The following CECR2 variants were observed in gnomAD, a reference collection of about 807,000 sequenced individuals.
The protein encoded by CECR2 is CECR2 histone acetyl-lysine reader, also known as chromatin remodeling regulator CECR2.
CECR2 carries 30 observed loss-of-function variants against 154.5 expected under a neutral mutation model. That is an observed-to-expected ratio of 0.19 (90% confidence interval 0.15 to 0.26). CECR2 has a LOEUF of 0.26. Among genes scored for constraint, CECR2 ranks in the 10% least tolerant of loss-of-function variants. The pLI is 1.00. For missense variants in CECR2, 1,743 were observed against 1,829.3 expected (o/e 0.95, Z 0.86); for synonymous variants, 725 against 683.7 (o/e 1.06, Z -0.94).
chr22:17,545,390 A>AAG (rs1569156189), intron 16 of CECR2, among the ~76,000 whole-genome samples: 3 of 149,732 alleles, frequency 2.0e-5, no homozygotes, highest in African/African-American at 7.6e-5. Context: ...AAAAAAAAAA[A>AAG]AAAAAAAGAA....
intron 9 of CECR2, among the ~76,000 whole-genome samples, chr22:17,526,543 A>T (rs762752263): frequency 6.6e-6 from 1 of 152,098 alleles, no homozygotes; most frequent in South Asian, 2.1e-4. Context: ...GGGCGTGACG[A>T]CTTATGCCTG....
intron 16 of CECR2, among the ~76,000 whole-genome samples, chr22:17,543,252 CCT>C (rs753690579): frequency 8.1e-4 from 123 of 152,100 alleles, no homozygotes; most frequent in Non-Finnish European, 1.6e-3. Flanking sequence ...TCGGCCTCAG[CCT>C]CCCGAGTGTC....
rs71200271 is a variant in CECR2, at chr22:17,394,197, C to CTTTTTTTTTTTTTTTTTTTTTT, written c.126+24293_126+24314dup. Among the ~76,000 whole-genome samples, 17 of 97,088 alleles carry CTTTTTTTTTTTTTTTTTTTTTT rather than the reference C, an allele frequency of 1.8e-4. 8 individuals carry two copies. The highest frequency in any genetic ancestry group is 3.4e-4 in the African/African-American group (8 of 23,876). 63.7% of individuals were successfully genotyped at this position (97,088 alleles called of 152,430 possible). A position where few individuals can be genotyped will look rare whatever the true frequency, so the allele number is the denominator to read the frequency against. On this transcript the variant is annotated intron_variant, in intron 1 of 18. Coordinates refer to ENST00000262608, the MANE Select transcript of CECR2 (RefSeq NM_001290047.2). Reference sequence around the variant, plus strand: ...CCACCGCGCCCAGCTGCTGCCGCTGCTTTTTTTTTTTTTTTTTTTTTTTTT... The same window carrying CTTTTTTTTTTTTTTTTTTTTTT: ...CCACCGCGCCCAGCTGCTGCCGCTGCTTTTTTTTTTTTTTTTTTTTTTTTTTTTTTTTTTTTTTTTTTTTTTT...
chr22:17,397,555 T>C (rs1249873785), intron 1 of CECR2, among the ~76,000 whole-genome samples: 1 of 152,156 alleles, frequency 6.6e-6, no homozygotes, highest in African/African-American at 2.4e-5. Flanking sequence ...CAGACTGCAG[T>C]GGCGCTATCT....
chr22:17,542,583 A>G lies in CECR2; in HGVS notation c.2440A>G (p.Met814Val). The G allele has an allele frequency of 6.2e-7, 1 of 1,613,970 alleles. No homozygotes were observed. Among genetic ancestry groups the G allele is most frequent in the Non-Finnish European group, 8.5e-7 (1 of 1,179,868 alleles). ...CGGTCACGTGATGGATTCCCGAGTC[A>G]TGAGACCACCTGTCCCCCCCAACCA... is the stretch of plus-strand genomic sequence containing the variant. ...TLGHVMDSRV[M>V]RPPVPPNQWT... The change falls in exon 16 of 19, where the codon ATG becomes GTG. Residue 814 changes from methionine (M) to valine (V), a missense_variant. By Grantham distance (21) the Met-to-Val change is conservative (BLOSUM62 1). Coordinates refer to ENST00000262608, the MANE Select transcript of CECR2 (RefSeq NM_001290047.2).
At chr22:17,527,635 C>T (rs947020061) in intron 9 of CECR2, among the ~76,000 whole-genome samples, 4 of 151,968 alleles carry the variant, frequency 2.6e-5, no homozygotes, top group Non-Finnish European at 5.9e-5. Context: ...GGCATGGTGG[C>T]ACACGCCTGT....
chr22:17,549,023 C>T lies in CECR2; in HGVS notation c.3736C>T (p.Leu1246=), dbSNP rs2146143117. 6.2e-7 allele frequency: 1 copy of T among 1,614,020 alleles called. No individual in the cohort carries two copies. Among genetic ancestry groups the T allele is most frequent in the Non-Finnish European group, 8.5e-7 (1 of 1,179,896 alleles). Residue 1246 remains leucine, a synonymous_variant, in exon 17 of 19, where the codon CTG becomes TTG. Transcript: ENST00000262608. The part of the protein sequence containing the change: ...LFSDKNAMAS[L]QGCETLNAAL... ...CTCAGATAAGAATGCCATGGCCAGT[C>T]TGCAAGGCTGTGAGACACTGAATGC...
intron 2 of CECR2, among the ~76,000 whole-genome samples, chr22:17,478,089 T>TA (rs367704128): frequency 0.03 from 4,460 of 148,128 alleles, 99 homozygotes; most frequent in Non-Finnish European, 0.043. Context: ...ACTGATGTAA[T>TA]AAAAAAAAAA....
At chr22:17,459,324 C>G (rs577356067) in intron 1 of CECR2, among the ~76,000 whole-genome samples, 1 of 152,218 alleles carries the variant, frequency 6.6e-6, no homozygotes, top group Non-Finnish European at 1.5e-5. Flanking sequence ...TGCATCCCAG[C>G]CCTGTGTCCC....
At chr22:17,550,633 C>A (rs1004220182) in intron 17 of CECR2, among the ~76,000 whole-genome samples, 1 of 152,102 alleles carries the variant, frequency 6.6e-6, no homozygotes, top group Non-Finnish European at 1.5e-5. Context: ...GTTTTCAAAT[C>A]GATAGATACA....
intron 1 of CECR2, among the ~76,000 whole-genome samples, chr22:17,373,042 T>C (rs1259149883): frequency 6.6e-6 from 1 of 152,206 alleles, no homozygotes; most frequent in Non-Finnish European, 1.5e-5. Flanking sequence ...GTGGATATTT[T>C]TATTTTTGTG....
chr22:17,425,192 A>T (rs2054312321), intron 1 of CECR2, among the ~76,000 whole-genome samples: 4 of 151,818 alleles, frequency 2.6e-5, no homozygotes, highest in African/African-American at 9.7e-5. Context: ...TTAGCGTCCA[A>T]GTGTAGTGTG....
intron 9 of CECR2, among the ~76,000 whole-genome samples, chr22:17,526,284 G>C (rs2056263344): frequency 6.6e-6 from 1 of 152,130 alleles, no homozygotes; most frequent in African/African-American, 2.4e-5. Context: ...AAACAATATG[G>C]GGATCTGGCA....
chr22:17,378,584 C>T (rs1290987875), intron 1 of CECR2, among the ~76,000 whole-genome samples: 3 of 152,174 alleles, frequency 2.0e-5, no homozygotes, highest in Non-Finnish European at 1.5e-5. Flanking sequence ...GCCCACCTGG[C>T]CCTCGTTTTA....
intron 1 of CECR2, among the ~76,000 whole-genome samples, chr22:17,404,166 G>A (rs2053939156): frequency 1.3e-5 from 2 of 149,702 alleles, no homozygotes; most frequent in African/African-American, 2.5e-5. Flanking sequence ...GGCCGAGGCA[G>A]AAGAATCTCT....
At chr22:17,368,579 C>T (rs1012834878), upstream of CECR2, among the ~76,000 whole-genome samples, 6 of 152,198 alleles carry the variant, frequency 3.9e-5, no homozygotes, top group African/African-American at 1.2e-4. Flanking sequence ...CACCCTTCGG[C>T]CGTAGCACAT....
At chr22:17,369,949 C>T (rs2063034723) in intron 1 of CECR2, 40 bp downstream of exon 1, 1 of 150,946 alleles carries the variant, frequency 6.6e-6, no homozygotes, top group Admixed American at 6.6e-5. Context: ...CGCTGCGCCC[C>T]CTGCTCCCCC....
chr22:17,532,127 G>A (rs943582540), intron 9 of CECR2, among the ~76,000 whole-genome samples: 1 of 152,082 alleles, frequency 6.6e-6, no homozygotes, highest in African/African-American at 2.4e-5. Context: ...CCGTGGTTGT[G>A]CACAGCACTC....
At chr22:17,489,117 A>G in intron 2 of CECR2, among the ~76,000 whole-genome samples, 1 of 145,016 alleles carries the variant, frequency 6.9e-6, no homozygotes, top group South Asian at 2.1e-4. Context: ...TGTATTTAGT[A>G]GAGACGGGGT....
Sources: gnomAD v4.1 joint callset for allele counts (sites outside exome capture counted in the v4.1 genomes callset) on GRCh38, gnomAD v4.1.1 for gene constraint, MANE v1.5 for transcripts, NCBI Gene and HGNC (gene_info 2026-07-23, HGNC 2026-07-21) for gene names.